UTRN: variants seen among roughly 807,000 people sequenced by gnomAD.
UTRN encodes the protein dystrophin-related protein 1.
In UTRN, 283 loss-of-function variants were observed where a neutral mutation model predicts 463.9. That is an observed-to-expected ratio of 0.61 (90% CI 0.55 to 0.67). The LOEUF (loss-of-function observed/expected upper bound fraction) is 0.67. UTRN is among the 30% of genes least tolerant of loss of function. UTRN has a pLI of 0.00. For missense variants in UTRN, 3,922 were observed against 4,084.3 expected, an observed-to-expected ratio of 0.96 and a Z score of 1.08; for synonymous variants, 1,442 against 1,431.5, an observed-to-expected ratio of 1.01 and a Z score of -0.17.
chr6:144,823,247 G>C (rs968489682), intron 66 of UTRN, among the ~76,000 whole-genome samples: 2 of 152,184 alleles, frequency 1.3e-5, no homozygotes, highest in East Asian at 3.9e-4. Flanking sequence ...TTTTTGGACA[G>C]ATTTATGAAC....
chr6:144,412,254 A>G (rs1180647118), intron 3 of UTRN, among the ~76,000 whole-genome samples: 3 of 152,208 alleles, frequency 2.0e-5, no homozygotes, highest in Non-Finnish European at 4.4e-5. Context: ...AGATAAATCA[A>G]TAAATCCAAA....
At chr6:144,300,618 G>C (rs1805152647) in intron 2 of UTRN, among the ~76,000 whole-genome samples, 1 of 152,162 alleles carries the variant, frequency 6.6e-6, no homozygotes, top group Admixed American at 6.5e-5. Flanking sequence ...GTATATCATT[G>C]TGTGGTATTT....
intron 6 of UTRN, among the ~76,000 whole-genome samples, chr6:144,425,533 C>T (rs1785221070): frequency 6.6e-6 from 1 of 152,162 alleles, no homozygotes; most frequent in Admixed American, 6.5e-5. Context: ...TAATGATTTT[C>T]TAATTTCATT....
chr6:144,543,597 G>A (rs960582420), intron 46 of UTRN, among the ~76,000 whole-genome samples: 2 of 151,846 alleles, frequency 1.3e-5, no homozygotes, highest in African/African-American at 2.4e-5. Context: ...GCTCCTCCCC[G>A]CTTTTTTCTT....
Position 144,433,297 on chromosome 6 carries a change from G to A in UTRN, c.856-2638G>A, listed in dbSNP as rs1442714557. Among the ~76,000 whole-genome samples, 8 of 150,528 alleles carry A rather than the reference G, an allele frequency of 5.3e-5. No homozygotes were observed. The East Asian group carries it at 8.0e-4, about 15-fold the overall frequency. ...GCGCCCCTCACCTCCCGGACGGGGC[G>A]GCTGGCCGGGTGGGGGGCTGAACCC... is the stretch of plus-strand genomic sequence containing the variant. On this transcript the variant is annotated intron_variant, in intron 9 of 74. Coordinates refer to ENST00000367545, the MANE Select transcript of UTRN (RefSeq NM_007124.3).
intron 25 of UTRN, among the ~76,000 whole-genome samples, chr6:144,478,957 A>G (rs1791542009): frequency 1.3e-5 from 2 of 152,158 alleles, no homozygotes; most frequent in Non-Finnish European, 2.9e-5. Context: ...TCTGTGTGGC[A>G]TATACAAACA....
At chr6:144,422,589 G>T (rs1784925672) in intron 4 of UTRN, among the ~76,000 whole-genome samples, 1 of 151,720 alleles carries the variant, frequency 6.6e-6, no homozygotes, top group Non-Finnish European at 1.5e-5. Context: ...CTGCACTCCA[G>T]CCTGGGCAAC....
intron 42 of UTRN, among the ~76,000 whole-genome samples, chr6:144,532,342 A>C (rs1006854535): frequency 6.6e-6 from 1 of 152,192 alleles, no homozygotes; most frequent in Non-Finnish European, 1.5e-5. Context: ...TAATTGACTC[A>C]TAGTTCAGCA....
At chr6:144,472,770 A>ATTT (rs61374314) in intron 23 of UTRN, among the ~76,000 whole-genome samples, 1 of 139,580 alleles carries the variant, frequency 7.2e-6, no homozygotes. Context: ...ACTTACTTGC[A>ATTT]TTTTTTTTTT....
intron 65 of UTRN, among the ~76,000 whole-genome samples, chr6:144,817,431 G>T (rs4143180): frequency 0.17 from 25,296 of 151,938 alleles, 2,595 homozygotes; most frequent in East Asian, 0.45. Flanking sequence ...TTAAAAAAAA[G>T]AAAAATGTAT....
rs755124180 is a variant in UTRN, at chr6:144,851,003, T to G, written c.*6T>G. On this transcript the variant is annotated 3_prime_UTR_variant, in exon 75 of 75. Coordinates refer to ENST00000367545, the MANE Select transcript of UTRN (RefSeq NM_007124.3). ...CCTTCCCATAGGCAATGTGAAGTAT[T>G]CATCCGGCCAACCAATGTTTCCTGA... is the stretch of plus-strand genomic sequence containing the variant. 12 of 1,613,576 alleles carry G rather than the reference T, an allele frequency of 7.4e-6. No individual in the cohort carries two copies. The highest frequency in any genetic ancestry group is 1.3e-5 in the African/African-American group (1 of 74,898).
chr6:144,432,309 T>G (rs1785935253), intron 9 of UTRN, among the ~76,000 whole-genome samples: 1 of 152,238 alleles, frequency 6.6e-6, no homozygotes, highest in Admixed American at 6.5e-5. Context: ...ATGGAGCCTT[T>G]TCAGAGAAGT....
chr6:144,400,750 C>T (rs1215029397), intron 2 of UTRN, among the ~76,000 whole-genome samples: 2 of 152,040 alleles, frequency 1.3e-5, no homozygotes, highest in Non-Finnish European at 2.9e-5. Context: ...ATTTTTGAAA[C>T]ATTTGGATGT....
At chr6:144,550,306 G>T (rs750274820) in intron 47 of UTRN, among the ~76,000 whole-genome samples, 1 of 152,190 alleles carries the variant, frequency 6.6e-6, no homozygotes, top group Non-Finnish European at 1.5e-5. Flanking sequence ...AATTTGTAAA[G>T]AGGAAGGACT....
At position 144,852,636 on chromosome 6, in the gene UTRN, C is replaced by A. The variant is rs1782547355; in HGVS notation, c.*1639C>A. The A allele has an allele frequency of 1.3e-5, 2 of 152,576 alleles. No individual in the cohort carries two copies. The highest frequency in any genetic ancestry group is 2.4e-5 in the African/African-American group (1 of 41,430). 9.5% of individuals were successfully genotyped at this position (152,576 alleles called of 1,614,324 possible). On this transcript the variant is annotated 3_prime_UTR_variant, in exon 75 of 75. Coordinates refer to ENST00000367545, the MANE Select transcript of UTRN (RefSeq NM_007124.3). The stretch of plus-strand genomic sequence containing the variant: ...TCTTCATCCATTGCATTGGAAACTG[C>A]TTTATGCTGCTGCAGTCTGCAAAGT...
In UTRN at chr6:144,794,919, C is replaced by T. The variant is rs958348881; in HGVS notation, c.9078+928C>T. ...TAAGTTCTGGGGTACATGTGCAGAACGTGCAGGTTTGTTACATAGGTATAC... is the reference window on the plus strand; with the variant it reads ...TAAGTTCTGGGGTACATGTGCAGAATGTGCAGGTTTGTTACATAGGTATAC... On this transcript the variant is annotated intron_variant, in intron 63 of 74. Coordinates refer to ENST00000367545, the MANE Select transcript of UTRN (RefSeq NM_007124.3). 2.6e-5 allele frequency among the ~76,000 whole-genome samples: 4 copies of T among 152,016 alleles called. No individual in the cohort carries two copies. The East Asian group carries it at 5.8e-4, about 22-fold the overall frequency.
At chr6:144,538,527 G>A (rs1294575867) in intron 44 of UTRN, among the ~76,000 whole-genome samples, 1 of 151,660 alleles carries the variant, frequency 6.6e-6, no homozygotes, top group Non-Finnish European at 1.5e-5. Flanking sequence ...AAAATTAGCT[G>A]GCCGTGGTGG....
intron 51 of UTRN, among the ~76,000 whole-genome samples, chr6:144,670,034 T>C (rs1780843524): frequency 6.6e-6 from 1 of 151,924 alleles, no homozygotes; most frequent in African/African-American, 2.4e-5. Flanking sequence ...GTTGACTGAT[T>C]GGTATTTGTA....
chr6:144,437,704 G>A lies in UTRN; in HGVS notation c.1199G>A (p.Arg400Lys), dbSNP rs373688534. The A allele has an allele frequency of 6.2e-7, 1 of 1,614,042 alleles. No individual in the cohort carries two copies. The highest frequency in any genetic ancestry group is 8.5e-7 in the Non-Finnish European group (1 of 1,180,014). The change falls in exon 11 of 75, where the codon AGA becomes AAA. Residue 400 changes from arginine (R) to lysine (K), a missense_variant. By Grantham distance (26) the Arg-to-Lys change is conservative. Around this residue, in one of 3 missense-constraint regions of UTRN, gnomAD observed 2,349 missense variants for 2,303.8 expected, o/e 1.02. Coordinates refer to ENST00000367545, the MANE Select transcript of UTRN (RefSeq NM_007124.3). ...GAACAGATGACCCTGCTGAATGCTA[G>A]ATGGGAGGCTCTTAGGGTGGAGAGT... ...IQEQMTLLNA[R>K]WEALRVESMD...
Sources: allele counts gnomAD v4.1 joint callset (sites outside exome capture counted in the v4.1 genomes callset), GRCh38; gene constraint gnomAD v4.1.1; regional missense constraint gnomAD v4.1.1; transcripts MANE v1.5; gene names NCBI Gene and HGNC (gene_info 2026-07-23, HGNC 2026-07-21).